PDGFD: variants seen among roughly 807,000 people sequenced by gnomAD.
PDGFD encodes the protein platelet derived growth factor D.
In PDGFD, 30 loss-of-function variants were observed where a neutral mutation model predicts 44.7. That is an observed-to-expected ratio of 0.67 (90% CI 0.50 to 0.91). The LOEUF (loss-of-function observed/expected upper bound fraction) is 0.91. Among genes scored for constraint, PDGFD ranks in the 40% least tolerant of loss-of-function variants. PDGFD has a pLI of 0.00. For synonymous variants in PDGFD, 173 were observed against 168.4 expected (o/e 1.03, Z -0.21); for missense variants, 445 against 457.8 (o/e 0.97, Z 0.25).
At chr11:103,998,731 G>C (rs183759540) in intron 2 of PDGFD, among the ~76,000 whole-genome samples, 9 of 152,310 alleles carry the variant, frequency 5.9e-5, no homozygotes, top group Non-Finnish European at 1.2e-4. Context: ...ATAGAACATG[G>C]AGGCAGTCTT....
At chr11:104,158,701 C>A (rs1339672823) in intron 1 of PDGFD, among the ~76,000 whole-genome samples, 1 of 151,804 alleles carries the variant, frequency 6.6e-6, no homozygotes, top group Non-Finnish European at 1.5e-5. Context: ...GTCATGGTGG[C>A]AGGCGCCTGT....
chr11:104,076,697 AC>A (rs965845698), intron 1 of PDGFD, among the ~76,000 whole-genome samples: 3 of 152,176 alleles, frequency 2.0e-5, no homozygotes, highest in Non-Finnish European at 4.4e-5. Context: ...TATTTGGACT[AC>A]AATTGACCCT....
intron 1 of PDGFD, chr11:104,037,653 C>T (rs1860273519): frequency 6.2e-7 from 1 of 1,614,034 alleles, no homozygotes; most frequent in African/African-American, 1.3e-5. Flanking sequence ...AGCGATGTAA[C>T]ATCATGAGGC....
At position 104,011,637 on chromosome 11, in the gene PDGFD, T is replaced by C. The variant is rs1047861959; in HGVS notation, c.125-11382A>G. ...GTCATGAGTAGGAGATAACTGTTCA[T>C]CTGATTTCAACTTCAAATATTATCT... On this transcript the variant is annotated intron_variant, in intron 1 of 6. Coordinates refer to ENST00000393158, the MANE Select transcript of PDGFD (RefSeq NM_025208.5). Among the ~76,000 whole-genome samples the C allele has an allele frequency of 2.0e-5, 3 of 152,222 alleles. No homozygotes were observed. In the East Asian group the frequency reaches 5.8e-4, roughly 29 times the overall value.
In PDGFD at chr11:103,907,614, A is replaced by G. The variant is rs1310848053; in HGVS notation, c.*2080T>C. 6.6e-6 allele frequency: 1 copy of G among 152,226 alleles called. No individual in the cohort carries two copies. The highest frequency in any genetic ancestry group is 2.4e-5 in the African/African-American group (1 of 41,466). The allele number at this position is 152,226 out of a possible 1,614,324, so 9.4% of individuals were successfully genotyped here. A position where few individuals can be genotyped will look rare whatever the true frequency, so the allele number is the denominator to read the frequency against. On this transcript the variant is annotated 3_prime_UTR_variant, in exon 7 of 7. Coordinates refer to ENST00000393158, the MANE Select transcript of PDGFD (RefSeq NM_025208.5). Reference sequence around the variant, plus strand: ...AAAAGTGCAGATAGGGCTTTAACTGAAAACCTTGCTGGTTATTGCAGCCTG... The same window carrying G: ...AAAAGTGCAGATAGGGCTTTAACTGGAAACCTTGCTGGTTATTGCAGCCTG...
intron 1 of PDGFD, among the ~76,000 whole-genome samples, chr11:104,112,272 T>C (rs187840474): frequency 2.6e-5 from 4 of 152,282 alleles, no homozygotes; most frequent in Admixed American, 2.6e-4. Flanking sequence ...CTTGCATTTC[T>C]CTAATGATCA....
chr11:103,926,490 A>G (rs1858316832), intron 6 of PDGFD, among the ~76,000 whole-genome samples: 1 of 152,180 alleles, frequency 6.6e-6, no homozygotes, highest in Admixed American at 6.5e-5. Context: ...ATATTTTGCT[A>G]TCTTTATTGT....
chr11:103,944,955 T>C (rs962467550), intron 4 of PDGFD, among the ~76,000 whole-genome samples: 4 of 152,184 alleles, frequency 2.6e-5, no homozygotes, highest in Non-Finnish European at 4.4e-5. Flanking sequence ...CCATTTTTTT[T>C]TTCTTTTACA....
At chr11:103,972,677 A>C (rs1185616943) in intron 3 of PDGFD, among the ~76,000 whole-genome samples, 3 of 152,206 alleles carry the variant, frequency 2.0e-5, no homozygotes, top group Admixed American at 6.5e-5. Flanking sequence ...ATAGGTTCAC[A>C]CTTACTTCTC....
intron 1 of PDGFD, among the ~76,000 whole-genome samples, chr11:104,089,622 C>T (rs1203199856): frequency 3.3e-5 from 5 of 152,148 alleles, no homozygotes; most frequent in African/African-American, 1.2e-4. Context: ...GATCAGCCCT[C>T]ATGGAAAGTT....
At chr11:104,053,304 T>C (rs1452343308) in intron 1 of PDGFD, among the ~76,000 whole-genome samples, 1 of 152,212 alleles carries the variant, frequency 6.6e-6, no homozygotes, top group Non-Finnish European at 1.5e-5. Context: ...TTCTTTCTTG[T>C]GTTTTAGATA....
At chr11:103,966,831 C>T (rs1384045306) in intron 3 of PDGFD, among the ~76,000 whole-genome samples, 1 of 108,408 alleles carries the variant, frequency 9.2e-6, no homozygotes, top group Non-Finnish European at 1.8e-5. Context: ...GCTGCAGGCA[C>T]AATCCTGATA....
intron 3 of PDGFD, among the ~76,000 whole-genome samples, chr11:103,970,383 C>T (rs1859086223): frequency 6.6e-6 from 1 of 151,972 alleles, no homozygotes; most frequent in African/African-American, 2.4e-5. Flanking sequence ...GAAAGTTCTT[C>T]TATGAAATAT....
intron 1 of PDGFD, chr11:104,036,558 C>G (rs1201252268): frequency 5.7e-6 from 3 of 523,612 alleles, no homozygotes; most frequent in Non-Finnish European, 1.0e-5. Context: ...AGTAGGCATT[C>G]TAGGTTCCAA....
At chr11:103,960,610 T>A (rs1347097572) in intron 3 of PDGFD, among the ~76,000 whole-genome samples, 2 of 152,218 alleles carry the variant, frequency 1.3e-5, no homozygotes, top group Non-Finnish European at 2.9e-5. Context: ...TCTAATGTCC[T>A]ACTCTTGTCA....
At chr11:103,945,144 G>C (rs1391926860) in intron 4 of PDGFD, among the ~76,000 whole-genome samples, 1 of 152,128 alleles carries the variant, frequency 6.6e-6, no homozygotes, top group African/African-American at 2.4e-5. Context: ...GAAGAATCCA[G>C]AGATTTAATC....
intron 1 of PDGFD, among the ~76,000 whole-genome samples, chr11:104,089,885 T>C (rs1212084233): frequency 2.0e-5 from 3 of 152,198 alleles, no homozygotes; most frequent in Non-Finnish European, 2.9e-5. Context: ...ACAAATTGTA[T>C]AGATTCTATT....
rs946384412 is a variant in PDGFD at position 103,909,602 on chromosome 11, A to C, written c.*92T>G. On this transcript the variant is annotated 3_prime_UTR_variant, in exon 7 of 7. Transcript: ENST00000393158. ...GTTCATTGCATTGCAGGCTAGTAGT[A>C]AGTTTGGTTGCTGGTAGGAAAAGGG... 2.7e-6 allele frequency: 4 copies of C among 1,496,974 alleles called. No homozygotes were observed. In the African/African-American group the frequency reaches 5.5e-5, roughly 21 times the overall value. The allele number at this position is 1,496,974 out of a possible 1,614,324, so 92.7% of individuals were successfully genotyped here.
At chr11:104,037,168 C>A in intron 1 of PDGFD, 1 of 1,613,642 alleles carries the variant, frequency 6.2e-7, no homozygotes, top group Non-Finnish European at 8.5e-7. Context: ...TGGACAGCAG[C>A]AGCAGCGCAC....
Sources: allele counts gnomAD v4.1 joint callset (sites outside exome capture counted in the v4.1 genomes callset), GRCh38; gene constraint gnomAD v4.1.1; transcripts MANE v1.5; gene names NCBI Gene and HGNC (gene_info 2026-07-23, HGNC 2026-07-21).